FGF14: variants seen among roughly 807,000 people sequenced by gnomAD.
The protein encoded by FGF14 is fibroblast growth factor 14, also known as fibroblast growth factor homologous factor 4.
A neutral mutation model predicts 25.5 loss-of-function variants in FGF14; 5 were observed. The ratio of observed to expected loss-of-function variants is 0.20; its 90% CI spans 0.10 to 0.41. The LOEUF (loss-of-function observed/expected upper bound fraction) is 0.41, where lower values mean the gene tolerates loss of function less well. Among genes scored for constraint, FGF14 ranks in the 10% least tolerant of loss-of-function variants. The probability of loss-of-function intolerance (pLI) is 1.00; values close to 1 mark genes in which losing one functional copy is unlikely to be tolerated. For synonymous variants in FGF14, 138 were observed against 118.3 expected (o/e 1.17, Z -1.08); for missense variants, 222 against 320.1 (o/e 0.69, Z 2.34).
At chr13:102,394,838 C>G (rs2058537197) in intron 1 of FGF14, 1 of 152,434 alleles carries the variant, frequency 6.6e-6, no homozygotes, top group Non-Finnish European at 1.5e-5. Flanking sequence ...CGAGGGGTTC[C>G]ACGCCTGGAG....
intron 1 of FGF14, among the ~76,000 whole-genome samples, chr13:102,115,475 G>A (rs1340282785): frequency 6.6e-6 from 1 of 152,190 alleles, no homozygotes; most frequent in Non-Finnish European, 1.5e-5. Flanking sequence ...CTGATGATTA[G>A]TGATGATGAG....
chr13:101,862,428 A>T (rs1051549653), intron 3 of FGF14, among the ~76,000 whole-genome samples: 3 of 152,058 alleles, frequency 2.0e-5, no homozygotes, highest in Non-Finnish European at 4.4e-5. Context: ...TATTCCATAA[A>T]ATGTCACTGG....
intron 3 of FGF14, among the ~76,000 whole-genome samples, chr13:101,772,967 T>C (rs1422547694): frequency 6.6e-6 from 1 of 152,154 alleles, no homozygotes; most frequent in African/African-American, 2.4e-5. Flanking sequence ...AAAAAATATA[T>C]AGATAGCAAA....
intron 1 of FGF14, among the ~76,000 whole-genome samples, chr13:102,001,664 T>C (rs185362818): frequency 7.6e-4 from 115 of 152,278 alleles, no homozygotes; most frequent in Admixed American, 4.7e-3. Context: ...GGGACATAAG[T>C]CCTATGCCAG....
At chr13:101,728,083 C>T (rs1193151682) in intron 3 of FGF14, among the ~76,000 whole-genome samples, 1 of 152,096 alleles carries the variant, frequency 6.6e-6, no homozygotes, top group African/African-American at 2.4e-5. Flanking sequence ...GACCTAATGT[C>T]ATGTAGAAAT....
chr13:101,968,282 C>A lies in FGF14; in HGVS notation c.209-92986G>T, dbSNP rs150859258. Among the ~76,000 whole-genome samples the A allele has an allele frequency of 1.1e-3, 167 of 152,212 alleles. 1 individual carries two copies. The highest frequency in any genetic ancestry group is 3.8e-3 in the African/African-American group (159 of 41,522). ...TGTCATAATAAGCCTGACAAAAAGT[C>A]TAAAAAATATTTTTTGCAAGATACT... On this transcript the variant is annotated intron_variant, in intron 1 of 4. Transcript: ENST00000376131.
chr13:101,957,323 G>A (rs1012750872), intron 1 of FGF14, among the ~76,000 whole-genome samples: 2 of 152,148 alleles, frequency 1.3e-5, no homozygotes, highest in African/African-American at 4.8e-5. Flanking sequence ...AGAAAAGCAG[G>A]TGAGAGTAGA....
At chr13:102,341,601 T>G (rs1001828295) in intron 1 of FGF14, among the ~76,000 whole-genome samples, 2 of 152,186 alleles carry the variant, frequency 1.3e-5, no homozygotes, top group Non-Finnish European at 1.5e-5. Context: ...AAGCTGTTAT[T>G]TGAAATATTT....
intron 1 of FGF14, among the ~76,000 whole-genome samples, chr13:102,364,764 C>G (rs946900377): frequency 3.9e-5 from 6 of 152,196 alleles, no homozygotes; most frequent in African/African-American, 1.4e-4. Context: ...AAACCACGGT[C>G]TCTCCGAACT....
At chr13:102,083,257 G>C (rs2043724321) in intron 1 of FGF14, among the ~76,000 whole-genome samples, 1 of 152,140 alleles carries the variant, frequency 6.6e-6, no homozygotes, top group Non-Finnish European at 1.5e-5. Context: ...AAAGCTTCAT[G>C]GTCTCTCTGT....
rs1459932233 is a variant in FGF14 at position 101,931,292 on chromosome 13, T to C, written c.209-55996A>G. 2.0e-5 allele frequency among the ~76,000 whole-genome samples: 3 copies of C among 152,164 alleles called. No individual in the cohort carries two copies. The South Asian group carries it at 6.2e-4, about 32-fold the overall frequency. Reference sequence around the variant, plus strand: ...CCCTGGTCCTGGCTTCCCAGCTCCTTCCATTCTCCCTCACGCTGTCTCAGT... The same window carrying C: ...CCCTGGTCCTGGCTTCCCAGCTCCTCCCATTCTCCCTCACGCTGTCTCAGT... On this transcript the variant is annotated intron_variant, in intron 1 of 4. Transcript: ENST00000376131.
chr13:102,356,115 G>A (rs2057411360), intron 1 of FGF14, among the ~76,000 whole-genome samples: 1 of 152,158 alleles, frequency 6.6e-6, no homozygotes, highest in African/African-American at 2.4e-5. Flanking sequence ...TTTTTAAGTG[G>A]AGAATTGGAG....
chr13:102,318,557 C>T (rs1184006456), intron 1 of FGF14, among the ~76,000 whole-genome samples: 1 of 152,180 alleles, frequency 6.6e-6, no homozygotes, highest in East Asian at 1.9e-4. Flanking sequence ...CTTCAGCTTT[C>T]CTTGGCTTGT....
intron 1 of FGF14, among the ~76,000 whole-genome samples, chr13:102,221,459 G>A (rs549123185): frequency 6.6e-5 from 10 of 152,278 alleles, no homozygotes; most frequent in African/African-American, 2.2e-4. Context: ...AAAGGGATCC[G>A]AAAAACAAGC....
intron 1 of FGF14, among the ~76,000 whole-genome samples, chr13:102,019,044 C>A (rs2040495871): frequency 6.6e-6 from 1 of 152,126 alleles, no homozygotes; most frequent in Non-Finnish European, 1.5e-5. Context: ...TACCAATCAC[C>A]AAGTTTCAAC....
chr13:102,373,432 A>C (rs1202349242), intron 1 of FGF14: 1 of 152,186 alleles, frequency 6.6e-6, no homozygotes, highest in Admixed American at 6.6e-5. Context: ...AGGTTGCAGA[A>C]AATGAAATGA....
rs531622867 is a variant in FGF14 at position 101,806,972 on chromosome 13, T to C, written c.408+61753A>G. 2.6e-5 allele frequency among the ~76,000 whole-genome samples: 4 copies of C among 152,242 alleles called. No individual in the cohort carries two copies. The South Asian group carries it at 8.3e-4, about 32-fold the overall frequency. On this transcript the variant is annotated intron_variant, in intron 3 of 4. Transcript: ENST00000376143. ...ATTTCTCTGGAATAAAATCTCCTTA[T>C]AACTTTCACTGCGGACTTCTATCCA...
intron 2 of FGF14, among the ~76,000 whole-genome samples, chr13:101,872,445 T>A (rs1261148410): frequency 2.0e-5 from 3 of 151,876 alleles, no homozygotes; most frequent in African/African-American, 7.2e-5. Flanking sequence ...GTACTCTAAG[T>A]AGGACCTGAC....
chr13:102,005,632 C>T (rs935407772), intron 1 of FGF14, among the ~76,000 whole-genome samples: 5 of 152,146 alleles, frequency 3.3e-5, no homozygotes, highest in East Asian at 1.9e-4. Context: ...TTAGATGACA[C>T]GTTTTTAAAG....
Sources: allele counts gnomAD v4.1 joint callset (sites outside exome capture counted in the v4.1 genomes callset), GRCh38; gene constraint gnomAD v4.1.1; transcripts MANE v1.5; gene names NCBI Gene and HGNC (gene_info 2026-07-23, HGNC 2026-07-21).